The following GNA15 variants were observed in gnomAD, a reference collection of about 807,000 sequenced individuals.
GNA15 encodes G protein subunit alpha 15.
In GNA15, 23 loss-of-function variants were observed where a neutral mutation model predicts 40.1. The observed-to-expected ratio is 0.57, with a 90% CI of 0.41 to 0.81. The LOEUF is 0.81. Among genes scored for constraint, GNA15 ranks in the 40% least tolerant of loss-of-function variants. The probability of loss-of-function intolerance (pLI) is 0.00; values close to 1 mark genes in which losing one functional copy is unlikely to be tolerated. For missense variants in GNA15, 522 were observed against 515.8 expected (o/e 1.01, Z -0.12); for synonymous variants, 226 against 210.4 (o/e 1.07, Z -0.64).
intron 1 of GNA15, chr19:3,146,350 C>T (rs189322596): frequency 6.6e-6 from 1 of 152,570 alleles, no homozygotes; most frequent in East Asian, 1.9e-4. Flanking sequence ...GAAGGGCAGC[C>T]TTGGGATGTC....
intron 1 of GNA15, among the ~76,000 whole-genome samples, chr19:3,145,241 C>G (rs1024116514): frequency 6.7e-6 from 1 of 149,116 alleles, no homozygotes; most frequent in East Asian, 2.0e-4. Flanking sequence ...GTGATCATGG[C>G]TCACTGCAGC....
chr19:3,156,416 CAT>C (rs1235226321), intron 5 of GNA15, among the ~76,000 whole-genome samples: 3 of 122,646 alleles, frequency 2.4e-5, no homozygotes, highest in African/African-American at 7.0e-5. Flanking sequence ...TGCGCACACA[CAT>C]GAACACACAC....
Position 3,163,195 on chromosome 19 carries a change from C to T in GNA15, c.*176C>T, listed in dbSNP as rs1915181295. The T allele has an allele frequency of 3.3e-6, 2 of 602,036 alleles. No individual in the cohort carries two copies. Among genetic ancestry groups the T allele is most frequent in the Non-Finnish European group, 5.9e-6 (2 of 336,676 alleles). 37.3% of individuals were successfully genotyped at this position (602,036 alleles called of 1,614,324 possible). A position where few individuals can be genotyped will look rare whatever the true frequency, so the allele number is the denominator to read the frequency against. On this transcript the variant is annotated 3_prime_UTR_variant, in exon 7 of 7. Coordinates refer to ENST00000262958, the MANE Select transcript of GNA15 (RefSeq NM_002068.4). ...TCTCTGCCTCTCACCAGGACAGCCGCCCCCCAGGGTACTCCTGCCCTTGCT... is the reference window on the plus strand; with the variant it reads ...TCTCTGCCTCTCACCAGGACAGCCGTCCCCCAGGGTACTCCTGCCCTTGCT...
rs1914793833 is a variant in GNA15 at position 3,148,672 on chromosome 19, A to G, written c.227A>G (p.Lys76Arg). The G allele has an allele frequency of 6.3e-7, 1 of 1,594,320 alleles. No individual in the cohort carries two copies. Among genetic ancestry groups the G allele is most frequent in the African/African-American group, 1.3e-5 (1 of 74,670 alleles). Residue 76 changes from lysine to arginine, a missense_variant, in exon 2 of 7, where the codon AAG (lysine) becomes AGG (arginine). Transcript: ENST00000262958. ...GCCGGCTACTCGGAGGAGGAGCGCA[A>G]GGGCTTCCGGCCCCTGGTCTACCAG... is the stretch of plus-strand genomic sequence containing the variant. ...HGAGYSEEER[K>R]GFRPLVYQNI...
At chr19:3,144,071 CCGAGAT>C (rs903718030) in intron 1 of GNA15, among the ~76,000 whole-genome samples, 10 of 149,680 alleles carry the variant, frequency 6.7e-5, no homozygotes, top group African/African-American at 2.5e-4. Flanking sequence ...TTACAGTGAG[CCGAGAT>C]CGCGACACTG....
At chr19:3,137,643 G>A (rs562302425) in intron 1 of GNA15, among the ~76,000 whole-genome samples, 1 of 152,316 alleles carries the variant, frequency 6.6e-6, no homozygotes, top group South Asian at 2.1e-4. Context: ...TTAGCCAGAT[G>A]TGGTGGTGCG....
At chr19:3,154,788 G>C (rs1914973674) in intron 4 of GNA15, among the ~76,000 whole-genome samples, 1 of 151,926 alleles carries the variant, frequency 6.6e-6, no homozygotes, top group African/African-American at 2.4e-5. Context: ...AATGGGGTGG[G>C]TGGGTGGATA....
chr19:3,156,097 C>G, intron 5 of GNA15, 145 bp downstream of exon 5: 3 of 728,320 alleles, frequency 4.1e-6, no homozygotes. Flanking sequence ...GACCCTTCAG[C>G]CTTTTGTGGT....
intron 4 of GNA15, among the ~76,000 whole-genome samples, chr19:3,152,947 A>G (rs1914914579): frequency 6.6e-6 from 1 of 152,148 alleles, no homozygotes; most frequent in African/African-American, 2.4e-5. Flanking sequence ...GTGAATAGCT[A>G]AAGGTCAGAG....
chr19:3,155,933 T>C lies in GNA15; in HGVS notation c.725T>C (p.Leu242Pro), dbSNP rs1220789775. 2.5e-6 allele frequency: 4 copies of C among 1,613,856 alleles called. No individual in the cohort carries two copies. Among genetic ancestry groups the C allele is most frequent in the Admixed American group, 1.7e-5 (1 of 60,000 alleles). ...LASLSEYDQC[L>P]EENNQENRMK... ...TCACTGAGTGAATACGACCAGTGCC[T>C]GGAGGAGAACAACCAGGAGGTGCGC... The change falls in exon 5 of 7, where the codon CTG (leucine) becomes CCG (proline). Residue 242 changes from leucine to proline, a missense_variant. Transcript: ENST00000262958. This position sits in a 1 kb window ranked among gnomAD's most constrained non-coding sequence, Gnocchi z 5.6.
In GNA15 at chr19:3,163,334, C is replaced by T; in HGVS notation, c.*315C>T. On this transcript the variant is annotated 3_prime_UTR_variant, in exon 7 of 7. Coordinates refer to ENST00000262958, the MANE Select transcript of GNA15 (RefSeq NM_002068.4). ...TGAGGACTTGGGTGGGTGGGCATCTCTCAGGAGCCCCATCTCCGGGCGTGT... is the reference window on the plus strand; with the variant it reads ...TGAGGACTTGGGTGGGTGGGCATCTTTCAGGAGCCCCATCTCCGGGCGTGT... 1.2e-5 allele frequency: 5 copies of T among 403,894 alleles called. No individual in the cohort carries two copies. Among genetic ancestry groups the T allele is most frequent in the Non-Finnish European group, 9.2e-6 (2 of 216,562 alleles). The allele number at this position is 403,894 out of a possible 1,614,324, so 25.0% of individuals were successfully genotyped here. A position where few individuals can be genotyped will look rare whatever the true frequency, so the allele number is the denominator to read the frequency against.
chr19:3,144,563 C>T (rs1238580069), intron 1 of GNA15, among the ~76,000 whole-genome samples: 2 of 151,984 alleles, frequency 1.3e-5, no homozygotes, highest in Non-Finnish European at 2.9e-5. Context: ...GAGTCTCGCT[C>T]TGTCACCCAG....
At chr19:3,154,860 T>C (rs1914975342) in intron 4 of GNA15, among the ~76,000 whole-genome samples, 1 of 151,916 alleles carries the variant, frequency 6.6e-6, no homozygotes, top group South Asian at 2.1e-4. Context: ...AAGGAAGTGA[T>C]TTTTAGGTGT....
intron 1 of GNA15, among the ~76,000 whole-genome samples, chr19:3,143,746 T>C (rs568045417): frequency 2.6e-5 from 4 of 152,178 alleles, no homozygotes; most frequent in Non-Finnish European, 5.9e-5. Context: ...ACCAGGACCA[T>C]TGAAGGAATT....
chr19:3,148,505 G>T (rs1405207506), intron 1 of GNA15, 86 bp from the exon 2 acceptor site: 2 of 1,329,116 alleles, frequency 1.5e-6, no homozygotes, highest in African/African-American at 1.5e-5. Context: ...GCCTGGCGTG[G>T]AGTTGGGGGT....
At chr19:3,148,798 G>T in intron 2 of GNA15, 23 bp downstream of exon 2, 2 of 1,569,404 alleles carry the variant, frequency 1.3e-6, no homozygotes, top group Non-Finnish European at 1.7e-6. Context: ...GGCAGGCAGG[G>T]GCCCAGGGCA....
At chr19:3,161,078 G>A (rs1915129498) in intron 6 of GNA15, among the ~76,000 whole-genome samples, 1 of 151,634 alleles carries the variant, frequency 6.6e-6, no homozygotes, top group Admixed American at 6.6e-5. Flanking sequence ...GAGTTGCTGG[G>A]ACTACAGGCG....
rs1914988948 is a variant in GNA15 at position 3,155,486 on chromosome 19, G to C, written c.615-337G>C. On this transcript the variant is annotated intron_variant, in intron 4 of 6. Coordinates refer to ENST00000262958, the MANE Select transcript of GNA15 (RefSeq NM_002068.4). This position sits in a 1 kb window ranked among gnomAD's most constrained non-coding sequence, Gnocchi z 5.6. ...GAAAACTGAGTTTTGGAGATGTTTG[G>C]CAATTTCCTCCGCCGGGTCGCCCAG... Among the ~76,000 whole-genome samples the C allele has an allele frequency of 6.6e-6, 1 of 152,114 alleles. No individual in the cohort carries two copies. The highest frequency in any genetic ancestry group is 1.5e-5 in the Non-Finnish European group (1 of 67,994).
At chr19:3,144,538 T>C (rs149226564) in intron 1 of GNA15, among the ~76,000 whole-genome samples, 3,095 of 136,074 alleles carry the variant, frequency 0.023, 87 homozygotes, top group African/African-American at 0.075. Flanking sequence ...ATTTTATTTA[T>C]TTTTTTTTGA....
Sources: allele counts gnomAD v4.1 joint callset (sites outside exome capture counted in the v4.1 genomes callset), GRCh38; gene constraint gnomAD v4.1.1; non-coding constraint Gnocchi (gnomAD v3.1); transcripts MANE v1.5; gene names NCBI Gene and HGNC (gene_info 2026-07-23, HGNC 2026-07-21).